AKR1C8: variants seen among roughly 807,000 people sequenced by gnomAD.
AKR1C8 encodes aldo-keto reductase family 1 member C-like protein 1.
the AKR1C8 span, among the ~76,000 whole-genome samples, chr10:5,173,342 CCA>C: frequency 6.6e-6 from 1 of 151,986 alleles, no homozygotes; most frequent in Non-Finnish European, 1.5e-5. Context: ...GCCTTTAACC[CCA>C]GTCACTTCCC....
the AKR1C8 span, among the ~76,000 whole-genome samples, chr10:5,167,524 T>C: frequency 1.9e-4 from 29 of 152,298 alleles, no homozygotes; most frequent in Non-Finnish European, 3.2e-4. Context: ...CTCAGCAAAC[T>C]ATCGCAAGGA....
chr10:5,152,100 T>C, the AKR1C8 span, among the ~76,000 whole-genome samples: 153 of 152,226 alleles, frequency 1.0e-3, no homozygotes, highest in African/African-American at 3.3e-3. Context: ...AGGTAAATAA[T>C]GAATTCTAGG....
chr10:5,168,240 C>G, the AKR1C8 span, among the ~76,000 whole-genome samples: 1 of 151,990 alleles, frequency 6.6e-6, no homozygotes, highest in Non-Finnish European at 1.5e-5. Flanking sequence ...ATAAAATTGA[C>G]CCTACCCTCT....
At chr10:5,181,136 C>T in the AKR1C8 span, among the ~76,000 whole-genome samples, 5 of 152,128 alleles carry the variant, frequency 3.3e-5, 1 homozygote, top group Non-Finnish European at 7.4e-5. Context: ...TTGGCTGCCA[C>T]CCCAAGGTTT....
chr10:5,142,224 A>G, the AKR1C8 span, among the ~76,000 whole-genome samples: 3 of 152,014 alleles, frequency 2.0e-5, no homozygotes, highest in Non-Finnish European at 4.4e-5. Flanking sequence ...ACTTGAAGAG[A>G]GTTAAGGTCT....
At chr10:5,167,179 G>A in the AKR1C8 span, among the ~76,000 whole-genome samples, 2 of 152,326 alleles carry the variant, frequency 1.3e-5, no homozygotes, top group Admixed American at 1.3e-4. Context: ...CTTTTACACT[G>A]TTGGTGGGTC....
chr10:5,148,273 G>C, the AKR1C8 span, among the ~76,000 whole-genome samples: 1 of 152,080 alleles, frequency 6.6e-6, no homozygotes, highest in Non-Finnish European at 1.5e-5. Context: ...AGGGAAGGAG[G>C]AAAGTAAAAA....
chr10:5,131,914 G>T, the AKR1C8 span, among the ~76,000 whole-genome samples: 1 of 152,086 alleles, frequency 6.6e-6, no homozygotes, highest in Non-Finnish European at 1.5e-5. Context: ...ATTCACAATT[G>T]CAAAAATATA....
At chr10:5,171,877 C>G in the AKR1C8 span, among the ~76,000 whole-genome samples, 1 of 152,070 alleles carries the variant, frequency 6.6e-6, no homozygotes, top group African/African-American at 2.4e-5. Context: ...ATTCTTATGC[C>G]TCCTTAATAA....
chr10:5,132,503 A>G, the AKR1C8 span: 1 of 1,169,856 alleles, frequency 8.5e-7, no homozygotes, highest in Non-Finnish European at 1.1e-6. Context: ...TGGAACCAAT[A>G]AGCACAATTC....
At chr10:5,122,590 C>T in the AKR1C8 span, among the ~76,000 whole-genome samples, 1 of 152,108 alleles carries the variant, frequency 6.6e-6, no homozygotes, top group African/African-American at 2.4e-5. Flanking sequence ...ACGGAACAAT[C>T]CCATTCAAGA....
chr10:5,142,767 A>G, the AKR1C8 span, among the ~76,000 whole-genome samples: 25 of 152,256 alleles, frequency 1.6e-4, no homozygotes, highest in East Asian at 2.7e-3. Flanking sequence ...AGACATTACC[A>G]TAACAGATAT....
chr10:5,167,121 AAGTC>A, the AKR1C8 span, among the ~76,000 whole-genome samples: 4,753 of 152,262 alleles, frequency 0.031, 242 homozygotes, highest in African/African-American at 0.11. Context: ...GATCATTAAA[AAGTC>A]AGGAAACAAC....
At chr10:5,175,108 T>C in the AKR1C8 span, among the ~76,000 whole-genome samples, 1 of 139,278 alleles carries the variant, frequency 7.2e-6, no homozygotes, top group South Asian at 2.5e-4. Flanking sequence ...CCTAATGCTA[T>C]CCCTCCCCCC....
the AKR1C8 span, among the ~76,000 whole-genome samples, chr10:5,174,472 AC>A: frequency 2.2e-4 from 33 of 152,182 alleles, no homozygotes; most frequent in South Asian, 5.6e-3. Flanking sequence ...CAAGTCATAT[AC>A]TAAATTTACT....
chr10:5,133,516 A>C, the AKR1C8 span, among the ~76,000 whole-genome samples: 8 of 152,144 alleles, frequency 5.3e-5, no homozygotes, highest in African/African-American at 1.9e-4. Flanking sequence ...AAACACACTG[A>C]CTTCCTCCAG....
At chr10:5,139,887 AACCT>A in the AKR1C8 span, among the ~76,000 whole-genome samples, 3 of 152,190 alleles carry the variant, frequency 2.0e-5, no homozygotes, top group African/African-American at 7.2e-5. Flanking sequence ...AAATTTTTGC[AACCT>A]ACCCATCTGA....
the AKR1C8 span, among the ~76,000 whole-genome samples, chr10:5,116,995 G>A: frequency 5.3e-5 from 8 of 152,254 alleles, no homozygotes; most frequent in East Asian, 3.9e-4. Flanking sequence ...GTGATGATTC[G>A]TAGAATTCTG....
the AKR1C8 span, among the ~76,000 whole-genome samples, chr10:5,149,503 A>G: frequency 6.6e-6 from 1 of 152,130 alleles, no homozygotes; most frequent in Non-Finnish European, 1.5e-5. Flanking sequence ...GTGCCTTCAG[A>G]TGAATTGCAT....
Sources: allele counts gnomAD v4.1 joint callset (sites outside exome capture counted in the v4.1 genomes callset), GRCh38; gene constraint gnomAD v4.1.1; transcripts MANE v1.5; gene names NCBI Gene and HGNC (gene_info 2026-07-23, HGNC 2026-07-21).